Variants in XAGE5 observed in about 807,000 individuals in gnomAD.
The protein encoded by XAGE5 is X antigen family member 5.
In XAGE5, 13 loss-of-function variants were observed where a neutral mutation model predicts 13.1. That is an observed-to-expected ratio of 0.99 (90% CI 0.64 to 1.57). The LOEUF (loss-of-function observed/expected upper bound fraction) is 1.57. Ranked by LOEUF, XAGE5 falls within the 40% of genes most tolerant of loss-of-function variation. XAGE5 has a pLI of 0.00. For missense variants in XAGE5, 86 were observed against 77.6 expected, an observed-to-expected ratio of 1.11 and a Z score of -0.41; for synonymous variants, 17 against 25.0, an observed-to-expected ratio of 0.68 and a Z score of 0.96.
chrX:52,815,519 T>C (rs1302459226), intron 5 of XAGE5, among the ~76,000 whole-genome samples: 1 of 112,643 alleles, frequency 8.9e-6, no homozygotes, highest in African/African-American at 3.2e-5. Flanking sequence ...TTCACAAATA[T>C]ATAATACACT....
intron 4 of XAGE5, chrX:52,814,204 C>G (rs1556777777): frequency 3.0e-6 from 1 of 329,847 alleles, no homozygotes; most frequent in Non-Finnish European, 5.9e-6. Context: ...TCGATATTGG[C>G]TCAGGACAAA....
At chrX:52,812,389 C>T (rs1486023467) in intron 2 of XAGE5, 170 bp from the exon 3 acceptor site, 11 of 372,343 alleles carry the variant, frequency 3.0e-5, no homozygotes, top group Non-Finnish European at 5.1e-5. Context: ...TCTCCTGCCT[C>T]AACTTCCCGA....
chrX:52,815,476 A>T (rs1926889546), intron 5 of XAGE5, among the ~76,000 whole-genome samples: 2 of 112,218 alleles, frequency 1.8e-5, no homozygotes, highest in Admixed American at 1.9e-4. Flanking sequence ...ACCAACAGCT[A>T]ACAATTTTCA....
chrX:52,817,867 T>C (rs1266977955), intron 5 of XAGE5, among the ~76,000 whole-genome samples: 1 of 112,002 alleles, frequency 8.9e-6, no homozygotes, highest in East Asian at 2.8e-4. Context: ...TTGAGTAAAC[T>C]CTACACAATG....
rs149573375 is a variant in XAGE5 at position 52,813,196 on chromosome X, T to C, written c.129T>C (p.His43=). 99 of 1,208,852 alleles carry C rather than the reference T, an allele frequency of 8.2e-5. No individual in the cohort carries two copies. The highest frequency in any genetic ancestry group is 1.1e-4 in the Non-Finnish European group (98 of 894,816). ...QEEPPTESQD[H]TPGQKREDDQ... is the part of the protein sequence containing the mutation. ...AACCACCAACTGAAAGTCAGGATCA[T>C]ACACCTGGTCAGAAGAGAGAAGATG... Residue 43 remains histidine (H), a synonymous_variant, in exon 4 of 6, where the codon CAT becomes CAC. Transcript: ENST00000375501.
At chrX:52,816,287 C>A (rs1404902064) in intron 5 of XAGE5, among the ~76,000 whole-genome samples, 6 of 111,952 alleles carry the variant, frequency 5.4e-5, no homozygotes, top group Non-Finnish European at 1.1e-4. Context: ...ACATTCAGAC[C>A]ATACATTCAG....
intron 2 of XAGE5, 73 bp from the exon 3 acceptor site, chrX:52,812,486 C>A: frequency 1.0e-6 from 1 of 982,226 alleles, no homozygotes; most frequent in Non-Finnish European, 1.4e-6. Context: ...TTTGGCCAAG[C>A]TGGCCTCGAG....
chrX:52,816,496 T>C (rs1468278269), intron 5 of XAGE5, among the ~76,000 whole-genome samples: 1 of 112,042 alleles, frequency 8.9e-6, no homozygotes, highest in African/African-American at 3.3e-5. Context: ...TGAAGACACA[T>C]ATGGTAACCT....
chrX:52,811,719 G>A lies in XAGE5; in HGVS notation c.-9G>A, dbSNP rs1487053269. On this transcript the variant is annotated splice_region_variant and 5_prime_UTR_variant, in exon 2 of 6. Coordinates refer to ENST00000375501, the MANE Select transcript of XAGE5 (RefSeq NM_001386970.1). ...ACATCAAGGCTGGAATGTCGTGGAC[G>A]GTAAGGAAGGGGCCTAGAAAGTGGG... Among the ~76,000 whole-genome samples the A allele has an allele frequency of 9.1e-6, 1 of 110,415 alleles. No individual in the cohort carries two copies. Among genetic ancestry groups the A allele is most frequent in the African/African-American group, 3.3e-5 (1 of 30,244 alleles).
chrX:52,815,028 G>A, intron 4 of XAGE5, 64 bp from the exon 5 acceptor site: 2 of 1,173,543 alleles, frequency 1.7e-6, no homozygotes, highest in Non-Finnish European at 2.3e-6. Context: ...GAAAAGAATA[G>A]GATCATCTCC....
chrX:52,818,211 T>A lies in XAGE5; in HGVS notation c.325T>A (p.Ter109LysextTer16). Residue 109 changes from the stop codon to lysine (K), a stop_lost, in exon 6 of 6, where the codon TAA becomes AAA. Transcript: ENST00000375501. ...TGCAGGGGAAGGGAAACCACAGCTT[T>A]AAACGAAGACAACCAAAAGAATGCA... Reference protein sequence around the residue: ...PEGGEGKPQL* With the variant: ...PEGGEGKPQLK The A allele has an allele frequency of 8.3e-7, 1 of 1,211,740 alleles. No homozygotes were observed. The highest frequency in any genetic ancestry group is 1.1e-6 in the Non-Finnish European group (1 of 895,234).
intron 5 of XAGE5, among the ~76,000 whole-genome samples, chrX:52,816,531 T>G (rs1926909333): frequency 8.9e-6 from 1 of 112,138 alleles, no homozygotes; most frequent in African/African-American, 3.2e-5. Context: ...GGTTATATAT[T>G]ACAGGTTTCT....
intron 5 of XAGE5, among the ~76,000 whole-genome samples, chrX:52,817,479 C>T (rs1926926929): frequency 1.8e-5 from 2 of 111,229 alleles, no homozygotes; most frequent in African/African-American, 3.3e-5. Context: ...ATTGTACAAA[C>T]GGGAATAGTT....
At chrX:52,813,391 A>G (rs1198413168) in intron 4 of XAGE5, 146 bp downstream of exon 4, 1 of 539,530 alleles carries the variant, frequency 1.9e-6, no homozygotes, top group Non-Finnish European at 3.1e-6. Flanking sequence ...GAGGCTGGAA[A>G]TGTGATGGGT....
chrX:52,817,338 ACT>A (rs1926924340), intron 5 of XAGE5, among the ~76,000 whole-genome samples: 1 of 110,966 alleles, frequency 9.0e-6, no homozygotes, highest in Non-Finnish European at 1.9e-5. Context: ...CAGATGTCTT[ACT>A]CTCCGTTTTC....
chrX:52,818,065 G>A (rs1272329989), intron 5 of XAGE5, 126 bp from the exon 6 acceptor site: 2 of 788,666 alleles, frequency 2.5e-6, no homozygotes, highest in East Asian at 3.3e-5. Context: ...GCCGTAGGGA[G>A]ACTCTTCAGA....
intron 5 of XAGE5, among the ~76,000 whole-genome samples, chrX:52,817,299 T>C (rs1602002421): frequency 8.9e-6 from 1 of 112,130 alleles, no homozygotes; most frequent in East Asian, 2.8e-4. Context: ...CAAAAACAGT[T>C]ACTTTTAGAA....
rs1162735895 is a variant in XAGE5 at position 52,815,343 on chromosome X, G to T, written c.304+126G>T. 2.7e-5 allele frequency: 23 copies of T among 855,217 alleles called. No individual in the cohort carries two copies. The East Asian group carries it at 6.2e-4, about 23-fold the overall frequency. The allele number at this position is 855,217 out of a possible 1,213,427, so 70.5% of individuals were successfully genotyped here. A position where few individuals can be genotyped will look rare whatever the true frequency, so the allele number is the denominator to read the frequency against. On this transcript the variant is annotated intron_variant, in intron 5 of 5. Coordinates refer to ENST00000375501, the MANE Select transcript of XAGE5 (RefSeq NM_001386970.1). ...AGAGTTCAAATGCAGACTTTCTTTG[G>T]AAGGTAATTCAGACCCCAGAAGCCT... is the stretch of plus-strand genomic sequence containing the variant.
intron 3 of XAGE5, 144 bp downstream of exon 3, chrX:52,812,782 C>G (rs1378344504): frequency 6.5e-5 from 36 of 551,923 alleles, no homozygotes; most frequent in Non-Finnish European, 1.0e-4. Context: ...AAAGAGTAAC[C>G]CAAGAAGACT....
Sources: allele counts gnomAD v4.1 joint callset (sites outside exome capture counted in the v4.1 genomes callset), GRCh38; gene constraint gnomAD v4.1.1; transcripts MANE v1.5; gene names NCBI Gene and HGNC (gene_info 2026-07-23, HGNC 2026-07-21).